Variants in ERN1 observed in about 807,000 individuals in gnomAD.
ERN1 encodes the protein serine/threonine-protein kinase/endoribonuclease IRE1.
In ERN1, 39 loss-of-function variants were observed where a neutral mutation model predicts 113.1. That is an observed-to-expected ratio of 0.34 (90% CI 0.27 to 0.45). The LOEUF (loss-of-function observed/expected upper bound fraction) is 0.45. Among genes scored for constraint, ERN1 ranks in the 20% least tolerant of loss-of-function variants. The pLI, the probability that ERN1 is intolerant of heterozygous loss-of-function variation, is 1.00. For missense variants in ERN1, 976 were observed against 1,274.8 expected (o/e 0.77, Z 3.57); for synonymous variants, 507 against 515.9 (o/e 0.98, Z 0.23).
rs570725181 is a variant in ERN1, at chr17:64,126,996, T to C, written c.54+2980A>G. ...GAGAGATGTGGCACCTAAATAACCA[T>C]AAAATGAGGACTGCTGACAGTGATG... is the stretch of plus-strand genomic sequence containing the variant. On this transcript the variant is annotated intron_variant, in intron 1 of 21. Transcript: ENST00000433197. Among the ~76,000 whole-genome samples the C allele has an allele frequency of 1.9e-4, 29 of 152,224 alleles. 1 individual carries two copies. The highest frequency in any genetic ancestry group is 6.7e-4 in the African/African-American group (28 of 41,498).
At chr17:64,066,633 C>A (rs771547992) in intron 8 of ERN1, 38 bp downstream of exon 8, 23 of 1,607,798 alleles carry the variant, frequency 1.4e-5, no homozygotes, top group Non-Finnish European at 2.0e-5. Flanking sequence ...AACACGAAGG[C>A]CACGGCCGCC....
At chr17:64,083,949 T>C (rs1413223992) in intron 2 of ERN1, among the ~76,000 whole-genome samples, 2 of 152,172 alleles carry the variant, frequency 1.3e-5, no homozygotes, top group Non-Finnish European at 2.9e-5. Flanking sequence ...AAGCAGTGAA[T>C]TTTTGTCCCC....
chr17:64,106,715 TACACACACACACACACACACACAC>T (rs58544303), intron 1 of ERN1, among the ~76,000 whole-genome samples: 3 of 103,434 alleles, frequency 2.9e-5, no homozygotes, highest in African/African-American at 1.1e-4. Flanking sequence ...CAGGGTTTCT[TACACACACACACACACACACACAC>T]ACACACACAC....
Position 64,054,879 on chromosome 17 carries a change from A to G in ERN1, c.1673-51T>C. 2 of 1,356,016 alleles carry G rather than the reference A, an allele frequency of 1.5e-6. No homozygotes were observed. Among genetic ancestry groups the G allele is most frequent in the Non-Finnish European group, 2.1e-6 (2 of 970,470 alleles). 84.0% of individuals were successfully genotyped at this position (1,356,016 alleles called of 1,614,324 possible). ...TGTTTCAAACAGATATCACCTAAAG[A>G]ACCTTGAGGTTAACATAGTGACAAG... On this transcript the variant is annotated intron_variant, in intron 13 of 21. Coordinates refer to ENST00000433197, the MANE Select transcript of ERN1 (RefSeq NM_001433.5). The surrounding 1 kb of genome is among the most constrained non-coding windows in gnomAD (Gnocchi z 4.9).
intron 1 of ERN1, among the ~76,000 whole-genome samples, chr17:64,107,252 G>A (rs755023027): frequency 3.3e-5 from 5 of 152,090 alleles, no homozygotes; most frequent in Non-Finnish European, 5.9e-5. Flanking sequence ...TCAACTCTCC[G>A]CTCACAAAGG....
intron 1 of ERN1, among the ~76,000 whole-genome samples, chr17:64,112,466 C>A (rs1914699481): frequency 1.3e-5 from 2 of 151,972 alleles, no homozygotes; most frequent in South Asian, 4.1e-4. Context: ...GATTGTATTT[C>A]CATCATTTGG....
intron 16 of ERN1, 124 bp downstream of exon 16, chr17:64,053,148 G>T: frequency 2.2e-6 from 2 of 921,748 alleles, no homozygotes; most frequent in Non-Finnish European, 3.2e-6. Flanking sequence ...ACTCATCTTT[G>T]CTACTGGTGA....
In ERN1 at chr17:64,043,787, G is replaced by A. The variant is rs1912414806; in HGVS notation, c.*201C>T. 1 of 473,700 alleles carries A rather than the reference G, an allele frequency of 2.1e-6. No homozygotes were observed. The highest frequency in any genetic ancestry group is 3.7e-6 in the Non-Finnish European group (1 of 268,138). The allele number at this position is 473,700 out of a possible 1,614,324, so 29.3% of individuals were successfully genotyped here. ...GGCTTTTGGGGCCAGCATCTTCCCA[G>A]TTCCCTGTAGGTCACGAGGGGCCAC... On this transcript the variant is annotated 3_prime_UTR_variant, in exon 22 of 22. Transcript: ENST00000433197.
At chr17:64,122,832 T>C (rs1914987063) in intron 1 of ERN1, among the ~76,000 whole-genome samples, 1 of 152,252 alleles carries the variant, frequency 6.6e-6, no homozygotes, top group Non-Finnish European at 1.5e-5. Flanking sequence ...AGTTGAATTA[T>C]TAAATGGGTT....
At chr17:64,057,340 T>C (rs1912902482) in intron 12 of ERN1, among the ~76,000 whole-genome samples, 1 of 141,846 alleles carries the variant, frequency 7.0e-6, no homozygotes, top group African/African-American at 2.6e-5. Context: ...TTTTTGAAGA[T>C]AAACAAACAC....
intron 5 of ERN1, 112 bp from the exon 6 acceptor site, chr17:64,072,215 G>C (rs911215030): frequency 6.0e-6 from 7 of 1,166,798 alleles, no homozygotes; most frequent in Non-Finnish European, 8.5e-6. Context: ...AATTTCTTAG[G>C]ATGTCATTTC....
intron 1 of ERN1, among the ~76,000 whole-genome samples, chr17:64,121,274 T>C (rs921729290): frequency 3.9e-5 from 6 of 152,144 alleles, no homozygotes; most frequent in African/African-American, 1.4e-4. Flanking sequence ...ACCAGCACGG[T>C]AATGCAAGAG....
At chr17:64,071,899 C>A in intron 6 of ERN1, 82 bp downstream of exon 6, 1 of 1,494,302 alleles carries the variant, frequency 6.7e-7, no homozygotes, top group Non-Finnish European at 9.1e-7. Flanking sequence ...GCTCTGGCCA[C>A]CTTCTAGGGA....
At chr17:64,056,036 G>C (rs941713717) in intron 12 of ERN1, 88 bp from the exon 13 acceptor site, 14 of 1,457,272 alleles carry the variant, frequency 9.6e-6, no homozygotes, top group Non-Finnish European at 1.2e-5. Flanking sequence ...AGTGGCGGAG[G>C]GAGCATGTGT....
chr17:64,062,787 C>T lies in ERN1; in HGVS notation c.1087+1199G>A, dbSNP rs1402868844. Among the ~76,000 whole-genome samples, 2 of 152,164 alleles carry T rather than the reference C, an allele frequency of 1.3e-5. 1 individual carries two copies. The highest frequency in any genetic ancestry group is 1.3e-4 in the Admixed American group (2 of 15,280). On this transcript the variant is annotated intron_variant, in intron 10 of 21. Coordinates refer to ENST00000433197, the MANE Select transcript of ERN1 (RefSeq NM_001433.5). ...CACCATGGGCCTATTCATACATGCT[C>T]CTCCAACTACTTCTGTTAATAAAAA...
chr17:64,075,287 G>A, intron 4 of ERN1, 40 bp from the exon 5 acceptor site: 1 of 1,444,322 alleles, frequency 6.9e-7, no homozygotes, highest in Non-Finnish European at 9.2e-7. Flanking sequence ...AGTTAACCAA[G>A]TCTTGTGCAA....
intron 1 of ERN1, among the ~76,000 whole-genome samples, chr17:64,108,054 A>G (rs1914576073): frequency 6.6e-6 from 1 of 152,192 alleles, no homozygotes; most frequent in South Asian, 2.1e-4. Flanking sequence ...GCCTAACTGA[A>G]CAGCACTGTG....
At chr17:64,088,811 C>A (rs1218789974) in intron 2 of ERN1, among the ~76,000 whole-genome samples, 1 of 152,096 alleles carries the variant, frequency 6.6e-6, no homozygotes, top group Non-Finnish European at 1.5e-5. Flanking sequence ...AGGCAGCCGG[C>A]CCCAAGCACA....
intron 2 of ERN1, among the ~76,000 whole-genome samples, chr17:64,091,322 G>T (rs1272370145): frequency 6.6e-6 from 1 of 152,146 alleles, no homozygotes. Flanking sequence ...AGCAACAAAT[G>T]ATTCATCCTG....
Sources: gnomAD v4.1 joint callset for allele counts (sites outside exome capture counted in the v4.1 genomes callset) on GRCh38, gnomAD v4.1.1 for gene constraint, Gnocchi (gnomAD v3.1) non-coding constraint, MANE v1.5 for transcripts, NCBI Gene and HGNC (gene_info 2026-07-23, HGNC 2026-07-21) for gene names.